ZFHX3: variants seen among roughly 807,000 people sequenced by gnomAD.
The protein encoded by ZFHX3 is zinc finger homeobox 3.
In ZFHX3, 42 loss-of-function variants were observed where a neutral mutation model predicts 279.1. The observed-to-expected ratio is 0.15, with a 90% CI of 0.12 to 0.19. ZFHX3 has a LOEUF of 0.19. ZFHX3 is among the 10% of genes least tolerant of loss of function. The probability of loss-of-function intolerance (pLI) is 1.00; values close to 1 mark genes in which losing one functional copy is unlikely to be tolerated. For missense variants in ZFHX3, 4,981 were observed against 4,754.0 expected, an observed-to-expected ratio of 1.05 and a Z score of -1.40; for synonymous variants, 2,293 against 1,957.8, an observed-to-expected ratio of 1.17 and a Z score of -4.52.
intron 3 of ZFHX3, among the ~76,000 whole-genome samples, chr16:73,453,420 T>C (rs549612594): frequency 5.3e-5 from 8 of 152,178 alleles, no homozygotes; most frequent in Admixed American, 5.2e-4. Context: ...ACATTTGCTC[T>C]GGAGAATGTT....
At chr16:73,103,885 C>T (rs1966261526) in intron 7 of ZFHX3, among the ~76,000 whole-genome samples, 1 of 152,086 alleles carries the variant, frequency 6.6e-6, no homozygotes, top group Admixed American at 6.6e-5. Context: ...CTGGCAGATA[C>T]GGTGGGAAAT....
intron 2 of ZFHX3, among the ~76,000 whole-genome samples, chr16:73,462,151 A>G (rs1023971938): frequency 7.9e-5 from 12 of 152,042 alleles, no homozygotes. Flanking sequence ...TTTGGTTTCC[A>G]TGTGCTCATT....
chr16:72,872,104 C>CAA (rs56164835), intron 4 of ZFHX3, among the ~76,000 whole-genome samples: 4 of 150,370 alleles, frequency 2.7e-5, no homozygotes, highest in East Asian at 2.0e-4. Flanking sequence ...AAACAAAAAA[C>CAA]AAAAAAAAAA....
At chr16:72,887,768 T>C (rs112111218) in intron 4 of ZFHX3, among the ~76,000 whole-genome samples, 37 of 151,656 alleles carry the variant, frequency 2.4e-4, no homozygotes, top group South Asian at 8.3e-4. Context: ...TGTGAGTGTA[T>C]ACAGGGGGTG....
chr16:73,055,694 GCGCGCACACACA>G (rs765772485), intron 1 of ZFHX3, among the ~76,000 whole-genome samples: 2 of 138,038 alleles, frequency 1.4e-5, no homozygotes, highest in Admixed American at 7.1e-5. Flanking sequence ...GCGCGCGCGC[GCGCGCACACACA>G]CACACACACA....
At chr16:73,563,405 C>T (rs918831885) in intron 2 of ZFHX3, among the ~76,000 whole-genome samples, 19 of 151,786 alleles carry the variant, frequency 1.3e-4, no homozygotes, top group Non-Finnish European at 2.4e-4. Flanking sequence ...TACAGGCACG[C>T]GCCACCATGC....
intron 1 of ZFHX3, among the ~76,000 whole-genome samples, chr16:73,730,352 CAAAAAAAA>C (rs66477968): frequency 1.6e-4 from 13 of 81,160 alleles, no homozygotes; most frequent in South Asian, 9.9e-4. Context: ...CCTCCCCTCG[CAAAAAAAA>C]AAAAAAAAAA....
intron 1 of ZFHX3, among the ~76,000 whole-genome samples, chr16:73,861,676 A>T (rs1195321403): frequency 1.3e-5 from 2 of 152,156 alleles, no homozygotes; most frequent in East Asian, 1.9e-4. Context: ...CGTGACTCAG[A>T]GAAGCATCCA....
Position 72,796,549 on chromosome 16 carries a change from G to A in ZFHX3, c.6133C>T (p.Pro2045Ser). The A allele has an allele frequency of 6.2e-7, 1 of 1,600,470 alleles. No individual in the cohort carries two copies. The change falls in exon 9 of 10, where the codon CCA becomes TCA. Residue 2045 changes from proline (P) to serine (S), a missense_variant. By Grantham distance (74) the Pro-to-Ser change is moderately conservative (BLOSUM62 -1). Around this residue, in one of 7 missense-constraint regions of ZFHX3, gnomAD observed 1,751 missense variants for 1,770.0 expected, o/e 0.99. Transcript: ENST00000268489. The stretch of plus-strand genomic sequence containing the variant: ...GCCGGAAGTGGGGGTGGAGGGGGTG[G>A]AGGGGGAGGTGGTGGTGGCTCTGGG... The part of the protein sequence containing the change: ...QTPEPPPPPP[P>S]PPPPPLPAAP...
chr16:72,950,317 G>A (rs1035063618), intron 3 of ZFHX3, 152 bp downstream of exon 3: 9 of 1,188,302 alleles, frequency 7.6e-6, no homozygotes, highest in Admixed American at 5.2e-5. Flanking sequence ...AGTGGACACC[G>A]CCGACTCTCC....
intron 2 of ZFHX3, 110 bp from the exon 3 acceptor site, chr16:72,951,075 G>C: frequency 6.8e-7 from 1 of 1,463,192 alleles, no homozygotes; most frequent in Non-Finnish European, 9.2e-7. Context: ...AAAAGGAGAA[G>C]ATGACATTTC....
chr16:73,097,916 C>T (rs1356779861), intron 7 of ZFHX3, among the ~76,000 whole-genome samples: 1 of 152,118 alleles, frequency 6.6e-6, no homozygotes, highest in African/African-American at 2.4e-5. Context: ...AACCTTAATT[C>T]ATTTTATACC....
At chr16:73,292,081 T>C (rs1047721357) in intron 4 of ZFHX3, among the ~76,000 whole-genome samples, 1 of 152,220 alleles carries the variant, frequency 6.6e-6, no homozygotes, top group Non-Finnish European at 1.5e-5. Flanking sequence ...AAGTTCATTA[T>C]GTTACTTATC....
chr16:73,415,350 T>C (rs2017550804), intron 3 of ZFHX3, among the ~76,000 whole-genome samples: 1 of 152,206 alleles, frequency 6.6e-6, no homozygotes, highest in Non-Finnish European at 1.5e-5. Flanking sequence ...AAACTTCAGC[T>C]TTTAAGCCAT....
intron 2 of ZFHX3, 96 bp from the exon 3 acceptor site, chr16:72,951,061 G>T (rs1390057741): frequency 6.7e-7 from 1 of 1,502,326 alleles, no homozygotes; most frequent in Non-Finnish European, 8.9e-7. Context: ...CTCAACTGGG[G>T]TCCAAAAGGA....
rs903889292 is a variant in ZFHX3, at chr16:73,538,719, C to A, written c.-1546-82461G>T. On this transcript the variant is annotated intron_variant, in intron 2 of 17. Coordinates refer to the ZFHX3 transcript ENST00000641206. ...AGCGGAGACATGAGAGTTTAGAAAT[C>A]CCACCTTCGCAAGCTTGACACCTCA... 2.0e-4 allele frequency among the ~76,000 whole-genome samples: 30 copies of A among 152,132 alleles called. 1 individual carries two copies. The highest frequency in any genetic ancestry group is 6.6e-5 in the Admixed American group (1 of 15,264).
intron 1 of ZFHX3, among the ~76,000 whole-genome samples, chr16:73,004,142 A>G (rs1311320062): frequency 7.3e-6 from 1 of 136,244 alleles, no homozygotes; most frequent in Non-Finnish European, 1.6e-5. Context: ...CACAATAATA[A>G]CTACATAAAA....
intron 4 of ZFHX3, among the ~76,000 whole-genome samples, chr16:73,264,142 G>C (rs988034197): frequency 6.6e-6 from 1 of 152,192 alleles, no homozygotes; most frequent in Non-Finnish European, 1.5e-5. Context: ...ACTCCAGCCT[G>C]GGCAACAGAG....
Position 73,729,603 on chromosome 16 carries a change from T to C in ZFHX3, c.-1607-49363A>G, listed in dbSNP as rs113548333. ...CGATTTCCCAGATAAATGACTTACA[T>C]CAAATCCTTGCCCTAAGGTCTACTA... On this transcript the variant is annotated intron_variant, in intron 1 of 17. Transcript: ENST00000641206. Among the ~76,000 whole-genome samples, 5 of 151,212 alleles carry C rather than the reference T, an allele frequency of 3.3e-5. 1 individual carries two copies. Among genetic ancestry groups the C allele is most frequent in the African/African-American group, 1.2e-4 (5 of 40,972 alleles).
Sources: gnomAD v4.1 joint callset for allele counts (sites outside exome capture counted in the v4.1 genomes callset) on GRCh38, gnomAD v4.1.1 for gene constraint, gnomAD v4.1.1 regional missense constraint, MANE v1.5 for transcripts, NCBI Gene and HGNC (gene_info 2026-07-23, HGNC 2026-07-21) for gene names.